PAX8: variants seen among roughly 807,000 people sequenced by gnomAD.
PAX8 encodes paired box protein Pax-8.
In PAX8, 15 loss-of-function variants were observed where a neutral mutation model predicts 52.4. The observed-to-expected ratio is 0.29, with a 90% CI of 0.19 to 0.44. The LOEUF is 0.44. PAX8 is among the 20% of genes least tolerant of loss of function. The pLI is 1.00. For missense variants in PAX8, 554 were observed against 602.5 expected, an observed-to-expected ratio of 0.92 and a Z score of 0.84; for synonymous variants, 284 against 249.7, an observed-to-expected ratio of 1.14 and a Z score of -1.29.
chr2:113,227,073 T>G (rs780131145), intron 10 of PAX8, 82 bp downstream of exon 10: 1 of 1,536,982 alleles, frequency 6.5e-7, no homozygotes, highest in Admixed American at 2.0e-5. Context: ...TAGGGCACAG[T>G]ATGCCTCTTG....
chr2:113,275,487 G>T (rs1693734975), intron 2 of PAX8: 1 of 152,182 alleles, frequency 6.6e-6, no homozygotes, highest in Non-Finnish European at 1.5e-5. Context: ...CAAGAGTTAG[G>T]AATGGGGCTT....
At chr2:113,278,065 C>T (rs1693949916) in intron 2 of PAX8, among the ~76,000 whole-genome samples, 1 of 152,176 alleles carries the variant, frequency 6.6e-6, no homozygotes, top group Non-Finnish European at 1.5e-5. Flanking sequence ...CACTAATGCG[C>T]CATGCAAGGC....
At chr2:113,258,564 G>A (rs1692431323) in intron 2 of PAX8, among the ~76,000 whole-genome samples, 1 of 152,040 alleles carries the variant, frequency 6.6e-6, no homozygotes, top group African/African-American at 2.4e-5. Flanking sequence ...AATCTTTATT[G>A]CTTGCATGAC....
intron 3 of PAX8, among the ~76,000 whole-genome samples, chr2:113,245,282 G>A (rs779787295): frequency 6.6e-6 from 1 of 152,152 alleles, no homozygotes; most frequent in African/African-American, 2.4e-5. Flanking sequence ...CTGACCTCAA[G>A]TGATCCGCCC....
intron 3 of PAX8, among the ~76,000 whole-genome samples, chr2:113,245,263 C>A (rs1691220455): frequency 6.6e-6 from 1 of 152,144 alleles, no homozygotes; most frequent in South Asian, 2.1e-4. Flanking sequence ...CCTGGCTGGT[C>A]TTGAGCCCCT....
intron 2 of PAX8, among the ~76,000 whole-genome samples, chr2:113,249,700 A>G (rs903085497): frequency 6.6e-6 from 1 of 152,148 alleles, no homozygotes; most frequent in African/African-American, 2.4e-5. Context: ...CTGAGAGGTT[A>G]TTTACCGTTA....
intron 2 of PAX8, among the ~76,000 whole-genome samples, chr2:113,258,226 G>A (rs950747130): frequency 6.6e-6 from 1 of 152,172 alleles, no homozygotes; most frequent in Non-Finnish European, 1.5e-5. Flanking sequence ...GTCAGAGAGG[G>A]CACCTAATTC....
chr2:113,220,196 G>A lies in PAX8; in HGVS notation c.1190-18C>T, dbSNP rs777328183. 10 of 1,598,586 alleles carry A rather than the reference G, an allele frequency of 6.3e-6. No homozygotes were observed. In the Admixed American group the frequency reaches 1.7e-4, roughly 27 times the overall value. On this transcript the variant is annotated intron_variant, in intron 10 of 11. Coordinates refer to ENST00000429538, the MANE Select transcript of PAX8 (RefSeq NM_003466.4). ...TTCACTTCCTGTTGGAGGCACACAG[G>A]GGAGAGGCCTGTGAGGTGAAGGGCA...
chr2:113,218,511 G>T lies in PAX8; in HGVS notation c.*22C>A. ...GGCTGAGTCCTCCTGTTGCTCAGTC[G>T]CTCCCACTGTCCCCATGGCAACTAC... is the stretch of plus-strand genomic sequence containing the variant. On this transcript the variant is annotated 3_prime_UTR_variant, in exon 12 of 12. Coordinates refer to ENST00000429538, the MANE Select transcript of PAX8 (RefSeq NM_003466.4). 4 of 1,473,190 alleles carry T rather than the reference G, an allele frequency of 2.7e-6. No individual in the cohort carries two copies. The highest frequency in any genetic ancestry group is 3.7e-6 in the Non-Finnish European group (4 of 1,088,454). The allele number at this position is 1,473,190 out of a possible 1,614,324, so 91.3% of individuals were successfully genotyped here.
At chr2:113,256,145 T>G (rs1343440460) in intron 2 of PAX8, among the ~76,000 whole-genome samples, 1 of 152,234 alleles carries the variant, frequency 6.6e-6, no homozygotes, top group Admixed American at 6.5e-5. Context: ...ACAGAAACCT[T>G]CCTAGGTATT....
In PAX8 at chr2:113,278,818, C is replaced by T; in HGVS notation, c.-76+13G>A. On this transcript the variant is annotated intron_variant, in intron 1 of 11. Coordinates refer to ENST00000429538, the MANE Select transcript of PAX8 (RefSeq NM_003466.4). ...CTGCTAGCCAGCTTCCAGCTAACCC[C>T]TGGGTGACATACCTGGCCGGCCGGC... 9.3e-7 allele frequency: 1 copy of T among 1,071,396 alleles called. No homozygotes were observed. Among genetic ancestry groups the T allele is most frequent in the Non-Finnish European group, 1.1e-6 (1 of 879,910 alleles). The allele number at this position is 1,071,396 out of a possible 1,614,324, so 66.4% of individuals were successfully genotyped here.
At chr2:113,224,755 G>A (rs1191457818) in intron 10 of PAX8, among the ~76,000 whole-genome samples, 1 of 149,818 alleles carries the variant, frequency 6.7e-6, no homozygotes, top group African/African-American at 2.5e-5. Context: ...CTCTAGAACT[G>A]GTTGAGAATC....
rs35724515 is a variant in PAX8 at position 113,235,223 on chromosome 2, TCC to T, written c.1087+169_1087+170del. On this transcript the variant is annotated intron_variant, in intron 9 of 11. Transcript: ENST00000429538. Reference sequence around the variant, plus strand: ...GCATCCGCCCCTTCCGAGCATGTCTTCCCCGTCACAGAGAACTTCATGTTGGC... The same window carrying T: ...GCATCCGCCCCTTCCGAGCATGTCTTCCGTCACAGAGAACTTCATGTTGGC... 0.36 allele frequency: 222,292 copies of T among 609,958 alleles called. 41,209 individuals are homozygous for T. The highest frequency in any genetic ancestry group is 0.42 in the South Asian group (20,903 of 49,546). The allele number at this position is 609,958 out of a possible 1,614,324, so 37.8% of individuals were successfully genotyped here. A position where few individuals can be genotyped will look rare whatever the true frequency, so the allele number is the denominator to read the frequency against.
At chr2:113,224,522 G>A (rs1018420461) in intron 10 of PAX8, among the ~76,000 whole-genome samples, 3 of 148,206 alleles carry the variant, frequency 2.0e-5, no homozygotes, top group African/African-American at 5.0e-5. Flanking sequence ...ACTCCAGCCT[G>A]GGCAACAGAG....
rs1008733440 is a variant in PAX8 at position 113,241,499 on chromosome 2, C to T, written c.777+52G>A. ...AGCACAGGCTCATTTGGAGAATAGA[C>T]CTTCTCTGGCCCTTGCCCACCCTGT... On this transcript the variant is annotated intron_variant, in intron 7 of 11. Coordinates refer to ENST00000429538, the MANE Select transcript of PAX8 (RefSeq NM_003466.4). The T allele has an allele frequency of 2.6e-6, 4 of 1,523,208 alleles. No homozygotes were observed. In the African/African-American group the frequency reaches 4.1e-5, roughly 16 times the overall value. 94.4% of individuals were successfully genotyped at this position (1,523,208 alleles called of 1,614,324 possible).
At chr2:113,248,188 A>T (rs541573937) in intron 2 of PAX8, among the ~76,000 whole-genome samples, 3 of 152,328 alleles carry the variant, frequency 2.0e-5, no homozygotes, top group African/African-American at 4.8e-5. Flanking sequence ...CATTTTTCTC[A>T]TGAGGAGACT....
rs536676587 is a variant in PAX8, at chr2:113,228,501, T to C, written c.1088-1245A>G. 3.3e-5 allele frequency among the ~76,000 whole-genome samples: 5 copies of C among 152,342 alleles called. No individual in the cohort carries two copies. In the South Asian group the frequency reaches 1.0e-3, roughly 32 times the overall value. On this transcript the variant is annotated intron_variant, in intron 9 of 11. Coordinates refer to ENST00000429538, the MANE Select transcript of PAX8 (RefSeq NM_003466.4). ...GCTGTCCTGTGCATTGTAGGATGTT[T>C]AGCAGCATTTCTGGCCTCCATCCAG...
At chr2:113,265,685 C>T (rs1693002813) in intron 2 of PAX8, 1 of 152,214 alleles carries the variant, frequency 6.6e-6, no homozygotes, top group Non-Finnish European at 1.5e-5. Context: ...GTTCAGTTTG[C>T]TTTCCTATCT....
intron 10 of PAX8, chr2:113,226,520 G>C (rs767721633): frequency 1.0e-6 from 1 of 991,372 alleles, no homozygotes; most frequent in African/African-American, 1.7e-5. Flanking sequence ...TGGCAGGCAG[G>C]TTCCAGAACA....
Sources: allele counts gnomAD v4.1 joint callset (sites outside exome capture counted in the v4.1 genomes callset), GRCh38; gene constraint gnomAD v4.1.1; transcripts MANE v1.5; gene names NCBI Gene and HGNC (gene_info 2026-07-23, HGNC 2026-07-21).